Variants in PAG1 observed in about 807,000 individuals in gnomAD.
The protein encoded by PAG1 is phosphoprotein associated with glycosphingolipid-enriched microdomains 1.
A neutral mutation model predicts 31.7 loss-of-function variants in PAG1; 23 were observed. The ratio of observed to expected loss-of-function variants is 0.73; its 90% CI spans 0.52 to 1.03. The LOEUF (loss-of-function observed/expected upper bound fraction) is 1.03, where lower values mean the gene tolerates loss of function less well. PAG1 is among the 50% of genes least tolerant of loss of function. PAG1 has a pLI of 0.00. For synonymous variants in PAG1, 214 were observed against 210.3 expected, an observed-to-expected ratio of 1.02 and a Z score of -0.15; for missense variants, 473 against 540.7, an observed-to-expected ratio of 0.87 and a Z score of 1.24.
In PAG1 at chr8:80,988,699, A is replaced by G. The variant is rs1214816983; in HGVS notation, c.178-1233T>C. Among the ~76,000 whole-genome samples, 3 of 152,088 alleles carry G rather than the reference A, an allele frequency of 2.0e-5. No individual in the cohort carries two copies. The South Asian group carries it at 6.2e-4, about 32-fold the overall frequency. ...ACTCCTGGCCTCAAGCGATATGCCC[A>G]CCCCAGCCTCCCAAAGTGCTGGGAT... On this transcript the variant is annotated intron_variant, in intron 5 of 8. Coordinates refer to ENST00000220597, the MANE Select transcript of PAG1 (RefSeq NM_018440.4).
intron 7 of PAG1, among the ~76,000 whole-genome samples, chr8:80,981,414 G>A (rs773668109): frequency 2.0e-5 from 3 of 151,806 alleles, no homozygotes; most frequent in African/African-American, 4.8e-5. Context: ...CCTTAAAGCC[G>A]CTCCGTATCA....
chr8:81,105,153 C>G (rs975436640), intron 1 of PAG1, among the ~76,000 whole-genome samples: 2 of 152,120 alleles, frequency 1.3e-5, no homozygotes, highest in African/African-American at 2.4e-5. Context: ...AAAAGTCATC[C>G]CCTTGGAGTC....
chr8:80,969,412 A>G lies in PAG1; in HGVS notation c.*7132T>C, dbSNP rs999978456. 1.3e-5 allele frequency: 2 copies of G among 152,202 alleles called. No homozygotes were observed. Among genetic ancestry groups the G allele is most frequent in the Non-Finnish European group, 2.9e-5 (2 of 68,032 alleles). The allele number at this position is 152,202 out of a possible 1,614,324, so 9.4% of individuals were successfully genotyped here. On this transcript the variant is annotated 3_prime_UTR_variant, in exon 9 of 9. Transcript: ENST00000220597. The stretch of plus-strand genomic sequence containing the variant: ...CCAGAGAAGGGCACTGCTGTCTTTC[A>G]GGGAAGCCTTCACTACCTAAATGAG...
intron 1 of PAG1, among the ~76,000 whole-genome samples, chr8:81,073,834 T>C (rs568744424): frequency 1.3e-5 from 2 of 151,386 alleles, no homozygotes; most frequent in East Asian, 3.9e-4. Flanking sequence ...GCCTGGGGAG[T>C]GGGCGCTGCT....
chr8:81,088,305 C>G (rs1171457850), intron 1 of PAG1, among the ~76,000 whole-genome samples: 2 of 152,134 alleles, frequency 1.3e-5, no homozygotes, highest in African/African-American at 4.8e-5. Flanking sequence ...AGTCCATTAC[C>G]CTTCAAAAGA....
intron 8 of PAG1, among the ~76,000 whole-genome samples, chr8:80,978,372 A>G (rs1346813865): frequency 2.0e-5 from 3 of 152,248 alleles, no homozygotes; most frequent in Non-Finnish European, 4.4e-5. Context: ...TTTATAAGGA[A>G]GTGCAAACAC....
chr8:81,014,019 T>C (rs1026591035), intron 3 of PAG1, among the ~76,000 whole-genome samples: 1 of 152,220 alleles, frequency 6.6e-6, no homozygotes, highest in African/African-American at 2.4e-5. Flanking sequence ...TTTTATTTAC[T>C]AAAAAATCAT....
At chr8:81,019,797 A>G (rs1309072140) in intron 3 of PAG1, among the ~76,000 whole-genome samples, 2 of 152,182 alleles carry the variant, frequency 1.3e-5, no homozygotes, top group African/African-American at 4.8e-5. Context: ...TACAGCCATG[A>G]GAAGAGGGCC....
intron 6 of PAG1, among the ~76,000 whole-genome samples, chr8:80,985,862 G>A (rs1314338943): frequency 6.6e-6 from 1 of 152,116 alleles, no homozygotes; most frequent in Non-Finnish European, 1.5e-5. Flanking sequence ...GAAACTACAG[G>A]GCAAACATGC....
intron 3 of PAG1, among the ~76,000 whole-genome samples, chr8:81,020,850 T>C (rs975757203): frequency 6.6e-6 from 1 of 152,256 alleles, no homozygotes; most frequent in Non-Finnish European, 1.5e-5. Flanking sequence ...TAATAAACTC[T>C]ATGCTGTAAT....
intron 3 of PAG1, among the ~76,000 whole-genome samples, chr8:81,001,535 C>A (rs1221813229): frequency 6.6e-6 from 1 of 152,106 alleles, no homozygotes; most frequent in Non-Finnish European, 1.5e-5. Flanking sequence ...GCATATAATC[C>A]ATTACTGTGG....
At chr8:81,071,877 C>A (rs978797264) in intron 1 of PAG1, among the ~76,000 whole-genome samples, 34 of 152,178 alleles carry the variant, frequency 2.2e-4, no homozygotes, top group Admixed American at 6.5e-5. Flanking sequence ...TGTGACAAAA[C>A]CCAAGCCCCT....
At chr8:81,057,614 C>T (rs1454849358) in intron 2 of PAG1, among the ~76,000 whole-genome samples, 3 of 151,750 alleles carry the variant, frequency 2.0e-5, no homozygotes, top group Non-Finnish European at 2.9e-5. Flanking sequence ...ATACCTAATG[C>T]AAATGACGAG....
intron 4 of PAG1, among the ~76,000 whole-genome samples, chr8:80,992,566 G>A (rs993016921): frequency 6.6e-6 from 1 of 152,146 alleles, no homozygotes; most frequent in Non-Finnish European, 1.5e-5. Flanking sequence ...ATGAGACAGA[G>A]GAGAGAGAGA....
At chr8:81,014,086 C>T (rs896055631) in intron 3 of PAG1, among the ~76,000 whole-genome samples, 3 of 152,068 alleles carry the variant, frequency 2.0e-5, no homozygotes, top group Non-Finnish European at 4.4e-5. Context: ...AGATTTTGGG[C>T]TTACAACTTT....
At chr8:81,055,989 A>G (rs1808815992) in intron 2 of PAG1, among the ~76,000 whole-genome samples, 2 of 152,134 alleles carry the variant, frequency 1.3e-5, no homozygotes, top group Admixed American at 6.5e-5. Flanking sequence ...AACTTCCAAC[A>G]CTATGTTGAA....
chr8:81,000,569 T>C (rs949723264), intron 3 of PAG1, among the ~76,000 whole-genome samples: 2 of 152,106 alleles, frequency 1.3e-5, no homozygotes, highest in African/African-American at 2.4e-5. Flanking sequence ...GCCTCCTGAG[T>C]AGCTGGGACT....
intron 2 of PAG1, among the ~76,000 whole-genome samples, chr8:81,059,170 A>C (rs1175306857): frequency 6.6e-6 from 1 of 152,154 alleles, no homozygotes; most frequent in Non-Finnish European, 1.5e-5. Flanking sequence ...ATTACTTATA[A>C]TACTTAATAC....
At chr8:81,070,975 G>A (rs1331477304) in intron 1 of PAG1, among the ~76,000 whole-genome samples, 1 of 152,152 alleles carries the variant, frequency 6.6e-6, no homozygotes, top group Non-Finnish European at 1.5e-5. Flanking sequence ...ATTTTCTCAG[G>A]AGAAATATCC....
Sources: gnomAD v4.1 joint callset for allele counts (sites outside exome capture counted in the v4.1 genomes callset) on GRCh38, gnomAD v4.1.1 for gene constraint, MANE v1.5 for transcripts, NCBI Gene and HGNC (gene_info 2026-07-23, HGNC 2026-07-21) for gene names.